ADCY5: variants seen among roughly 807,000 people sequenced by gnomAD.
The protein encoded by ADCY5 is adenylate cyclase type 5.
ADCY5 carries 30 observed loss-of-function variants against 119.7 expected under a neutral mutation model. That is an observed-to-expected ratio of 0.25 (90% CI 0.19 to 0.34). The LOEUF is 0.34. Ranked by LOEUF, ADCY5 falls within the 10% of genes least tolerant of loss-of-function variation. ADCY5 has a pLI of 1.00. For missense variants in ADCY5, 1,324 were observed against 1,775.2 expected, an observed-to-expected ratio of 0.75 and a Z score of 4.57; for synonymous variants, 753 against 762.2, an observed-to-expected ratio of 0.99 and a Z score of 0.20.
At position 123,406,256 on chromosome 3, in the gene ADCY5, G is replaced by C. The variant is rs370432523; in HGVS notation, c.1134+41156C>G. 6.6e-5 allele frequency among the ~76,000 whole-genome samples: 10 copies of C among 152,318 alleles called. No individual in the cohort carries two copies. The East Asian group carries it at 1.2e-3, about 18-fold the overall frequency. ...CTAAACCTGCTGACCCCGCCTCTCT[G>C]TTCCTTCCCTGGAAACCACAATAAA... On this transcript the variant is annotated intron_variant, in intron 1 of 20. Transcript: ENST00000462833.
chr3:123,308,530 T>G (rs942577042), intron 12 of ADCY5, among the ~76,000 whole-genome samples: 1 of 152,032 alleles, frequency 6.6e-6, no homozygotes, highest in African/African-American at 2.4e-5. Context: ...TAACCCCAGT[T>G]TGGATCTTAA....
chr3:123,308,722 G>A (rs1489165129), intron 12 of ADCY5, among the ~76,000 whole-genome samples: 2 of 152,264 alleles, frequency 1.3e-5, no homozygotes, highest in East Asian at 1.9e-4. Context: ...CCAGCTACTT[G>A]GGAGGCTGAG....
intron 18 of ADCY5, 42 bp downstream of exon 18, chr3:123,291,071 C>T (rs1275322389): frequency 3.2e-6 from 5 of 1,576,018 alleles, no homozygotes; most frequent in Non-Finnish European, 4.3e-6. Context: ...GACTTGTAGG[C>T]CCCTCCCAGG....
intron 7 of ADCY5, 23 bp downstream of exon 7, chr3:123,327,595 C>A: frequency 1.9e-6 from 3 of 1,607,406 alleles, no homozygotes; most frequent in Non-Finnish European, 2.6e-6. Context: ...GCCCCTCAGC[C>A]CCCCGGCCCC....
chr3:123,329,685 C>A (rs1384395508), intron 5 of ADCY5, among the ~76,000 whole-genome samples: 1 of 152,170 alleles, frequency 6.6e-6, no homozygotes, highest in African/African-American at 2.4e-5. Context: ...AGGGGACCAG[C>A]AGTCTGACTT....
chr3:123,414,279 A>C (rs1181834989), intron 1 of ADCY5, among the ~76,000 whole-genome samples: 3 of 152,104 alleles, frequency 2.0e-5, no homozygotes, highest in East Asian at 3.9e-4. Flanking sequence ...TCCCACACCC[A>C]CGCCCCACCT....
rs372853437 is a variant in ADCY5, at chr3:123,314,240, C to T, written c.2437G>A (p.Val813Ile). Residue 813 changes from valine (V) to isoleucine (I), a missense_variant, in exon 12 of 21, where the codon GTA becomes ATA. Physicochemically the swap from Val to Ile is conservative, Grantham distance 29. Around this residue, in one of 6 missense-constraint regions of ADCY5, gnomAD observed 424 missense variants for 546.8 expected, o/e 0.78. Coordinates refer to ENST00000462833, the MANE Select transcript of ADCY5 (RefSeq NM_183357.3). Reference sequence around the variant, plus strand: ...CAGCTGTCAGCTACACTCACCTTTACGCAGGAGTAGATCACAGACACAAAC... The same window carrying T: ...CAGCTGTCAGCTACACTCACCTTTATGCAGGAGTAGATCACAGACACAAAC... ...VVFVSVIYSC[V>I]KLFPSPLQTL... 16 of 1,611,658 alleles carry T rather than the reference C, an allele frequency of 9.9e-6. No individual in the cohort carries two copies. The highest frequency in any genetic ancestry group is 4.0e-5 in the African/African-American group (3 of 74,880).
At chr3:123,328,583 C>G (rs1941607405) in intron 6 of ADCY5, 61 bp downstream of exon 6, 1 of 1,587,860 alleles carries the variant, frequency 6.3e-7, no homozygotes, top group African/African-American at 1.3e-5. Context: ...GATGGTCACC[C>G]TGGGTGGGCT....
At chr3:123,363,172 G>GA (rs1943318523) in intron 1 of ADCY5, among the ~76,000 whole-genome samples, 7 of 96,952 alleles carry the variant, frequency 7.2e-5, no homozygotes, top group African/African-American at 2.2e-4. Context: ...AGGAATTGAA[G>GA]AACAAAAAAA....
intron 1 of ADCY5, among the ~76,000 whole-genome samples, chr3:123,353,284 G>A (rs534048310): frequency 1.3e-5 from 2 of 152,356 alleles, no homozygotes; most frequent in Admixed American, 6.5e-5. Context: ...CAAAGTCAAA[G>A]CTGGAATTCT....
intron 13 of ADCY5, 21 bp from the exon 14 acceptor site, chr3:123,303,240 G>A (rs1033499083): frequency 6.2e-7 from 1 of 1,608,292 alleles, no homozygotes; most frequent in Non-Finnish European, 8.5e-7. Flanking sequence ...GAAGGAGGGT[G>A]ATGAGGGGAG....
At chr3:123,418,096 T>A (rs1945224666) in intron 1 of ADCY5, among the ~76,000 whole-genome samples, 6 of 152,106 alleles carry the variant, frequency 3.9e-5, no homozygotes. Context: ...TCCCAGGAGG[T>A]GAGACCCACA....
At chr3:123,408,946 G>T (rs187641835) in intron 1 of ADCY5, among the ~76,000 whole-genome samples, 2 of 152,190 alleles carry the variant, frequency 1.3e-5, no homozygotes, top group Non-Finnish European at 2.9e-5. Flanking sequence ...CTGCACTCCA[G>T]CCTGGGCAAC....
chr3:123,394,209 C>T (rs1341914600), intron 1 of ADCY5, among the ~76,000 whole-genome samples: 1 of 152,150 alleles, frequency 6.6e-6, no homozygotes, highest in African/African-American at 2.4e-5. Context: ...CTTCTCTTAA[C>T]TCAATTTGAT....
At chr3:123,361,226 C>T (rs1046664988) in intron 1 of ADCY5, among the ~76,000 whole-genome samples, 6 of 152,124 alleles carry the variant, frequency 3.9e-5, no homozygotes, top group African/African-American at 1.4e-4. Context: ...CCTCCGGGGG[C>T]ACACTCTCCA....
intron 1 of ADCY5, chr3:123,416,315 A>T: frequency 6.5e-7 from 1 of 1,535,784 alleles, no homozygotes; most frequent in Non-Finnish European, 8.7e-7. Context: ...GGCTAAAGGC[A>T]ATAACCTCCT....
At chr3:123,367,303 G>C (rs1050121138) in intron 1 of ADCY5, among the ~76,000 whole-genome samples, 1 of 152,210 alleles carries the variant, frequency 6.6e-6, no homozygotes, top group Non-Finnish European at 1.5e-5. Context: ...AAGAGAGGCT[G>C]GCATGGCGGG....
chr3:123,332,503 C>T (rs1385630088), intron 4 of ADCY5, 61 bp downstream of exon 4: 7 of 1,303,214 alleles, frequency 5.4e-6, no homozygotes, highest in African/African-American at 2.9e-5. Context: ...TCCTCGACCA[C>T]AGCAGCCTCC....
chr3:123,333,481 G>A (rs985566127), intron 3 of ADCY5, among the ~76,000 whole-genome samples: 4 of 152,374 alleles, frequency 2.6e-5, no homozygotes, highest in Non-Finnish European at 4.4e-5. Context: ...AGTGCTGGGG[G>A]CTCCACGCGG....
Sources: gnomAD v4.1 joint callset for allele counts (sites outside exome capture counted in the v4.1 genomes callset) on GRCh38, gnomAD v4.1.1 for gene constraint, gnomAD v4.1.1 regional missense constraint, MANE v1.5 for transcripts, NCBI Gene and HGNC (gene_info 2026-07-23, HGNC 2026-07-21) for gene names.